The following BNC2 variants were observed in gnomAD, a reference collection of about 807,000 sequenced individuals.
The protein encoded by BNC2 is basonuclin zinc finger protein 2, also known as zinc finger protein basonuclin-2.
A neutral mutation model predicts 76.3 loss-of-function variants in BNC2; 20 were observed. The observed-to-expected ratio is 0.26, with a 90% confidence interval of 0.18 to 0.38. BNC2 has a LOEUF of 0.38. Ranked by LOEUF, BNC2 falls within the 10% of genes least tolerant of loss-of-function variation. BNC2 has a pLI of 1.00. For missense variants in BNC2, 1,382 were observed against 1,399.8 expected (o/e 0.99, Z 0.20); for synonymous variants, 582 against 514.8 (o/e 1.13, Z -1.77).
At chr9:16,823,203 C>T (rs2135960632) in intron 1 of BNC2, among the ~76,000 whole-genome samples, 1 of 152,252 alleles carries the variant, frequency 6.6e-6, no homozygotes, top group Admixed American at 6.5e-5. Context: ...TTATTAAACT[C>T]TCTTCAGTGA....
intron 3 of BNC2, among the ~76,000 whole-genome samples, chr9:16,643,571 T>G (rs1009908426): frequency 2.6e-5 from 4 of 152,100 alleles, no homozygotes; most frequent in African/African-American, 9.7e-5. Flanking sequence ...GTGTAGCATC[T>G]TAGGAGCTGC....
chr9:16,766,460 C>A lies in BNC2; in HGVS notation c.4-27975G>T, dbSNP rs191296040. 2.0e-3 allele frequency among the ~76,000 whole-genome samples: 303 copies of A among 152,274 alleles called. 1 individual carries two copies. The highest frequency in any genetic ancestry group is 7.0e-3 in the African/African-American group (291 of 41,564). ...GCCCTCCAATCTGGACCTAAATCAA[C>A]AATCTACTGGGATGGGAACCCAGTT... is the stretch of plus-strand genomic sequence containing the variant. On this transcript the variant is annotated intron_variant, in intron 1 of 6. Coordinates refer to ENST00000380672, the MANE Select transcript of BNC2 (RefSeq NM_017637.6).
chr9:16,798,638 G>A (rs1817713600), intron 1 of BNC2, among the ~76,000 whole-genome samples: 1 of 152,036 alleles, frequency 6.6e-6, no homozygotes, highest in African/African-American at 2.4e-5. Context: ...CTACATTAAG[G>A]ACTTTACCAA....
intron 5 of BNC2, among the ~76,000 whole-genome samples, chr9:16,531,998 A>T (rs1817990566): frequency 6.6e-6 from 1 of 151,994 alleles, no homozygotes; most frequent in Admixed American, 6.6e-5. Context: ...TCATTTCGTT[A>T]TCTCAGTTGC....
chr9:16,737,181 T>C (rs1259744988), intron 2 of BNC2, among the ~76,000 whole-genome samples: 1 of 149,982 alleles, frequency 6.7e-6, no homozygotes, highest in Non-Finnish European at 1.5e-5. Flanking sequence ...CATAGCTCAC[T>C]GGAACCTCAA....
At chr9:16,823,125 T>A (rs777240095) in intron 1 of BNC2, among the ~76,000 whole-genome samples, 6 of 152,182 alleles carry the variant, frequency 3.9e-5, no homozygotes, top group African/African-American at 1.4e-4. Flanking sequence ...TGAATAGAAT[T>A]AACTAAGTTG....
intron 5 of BNC2, among the ~76,000 whole-genome samples, chr9:16,511,025 G>C (rs1342846392): frequency 1.3e-5 from 2 of 151,842 alleles, no homozygotes; most frequent in African/African-American, 4.8e-5. Flanking sequence ...GAGAAGGATA[G>C]GCAAAACTTG....
At chr9:16,869,877 GT>G (rs1470110614) in intron 1 of BNC2, among the ~76,000 whole-genome samples, 2 of 152,184 alleles carry the variant, frequency 1.3e-5, no homozygotes, top group East Asian at 3.9e-4. Context: ...TTCACCTAGG[GT>G]TTTTCAGCAT....
chr9:16,565,268 T>C (rs575759997), intron 4 of BNC2, among the ~76,000 whole-genome samples: 1 of 152,196 alleles, frequency 6.6e-6, no homozygotes, highest in East Asian at 1.9e-4. Flanking sequence ...ACACACAAAA[T>C]CCTTAACCTG....
chr9:16,482,987 G>A (rs1180500902), intron 5 of BNC2, among the ~76,000 whole-genome samples: 2 of 152,138 alleles, frequency 1.3e-5, no homozygotes, highest in Admixed American at 1.3e-4. Context: ...GCAATTTGCT[G>A]TCCATTTTCG....
chr9:16,682,798 C>A (rs1395035911), intron 3 of BNC2, among the ~76,000 whole-genome samples: 2 of 152,090 alleles, frequency 1.3e-5, no homozygotes, highest in Admixed American at 1.3e-4. Context: ...AATTCCCAAC[C>A]AAGAAAAGAA....
At chr9:16,828,644 T>C (rs911022693) in intron 1 of BNC2, among the ~76,000 whole-genome samples, 1 of 152,170 alleles carries the variant, frequency 6.6e-6, no homozygotes, top group Non-Finnish European at 1.5e-5. Flanking sequence ...CAGACTCACT[T>C]TATTAAACCA....
intron 3 of BNC2, among the ~76,000 whole-genome samples, chr9:16,598,977 A>C (rs1163178008): frequency 6.6e-6 from 1 of 152,190 alleles, no homozygotes; most frequent in Non-Finnish European, 1.5e-5. Context: ...TGAATAAATT[A>C]ACAACAAAAG....
At chr9:16,592,857 G>A (rs1478297221) in intron 3 of BNC2, among the ~76,000 whole-genome samples, 3 of 152,012 alleles carry the variant, frequency 2.0e-5, no homozygotes, top group Admixed American at 1.3e-4. Context: ...ATACACGGAC[G>A]GTGAACAAAG....
At chr9:16,794,515 T>G (rs561660786) in intron 1 of BNC2, among the ~76,000 whole-genome samples, 2 of 152,326 alleles carry the variant, frequency 1.3e-5, no homozygotes, top group South Asian at 4.1e-4. Flanking sequence ...AAGATCCGTA[T>G]GACAACTGTA....
intron 1 of BNC2, among the ~76,000 whole-genome samples, chr9:16,761,523 A>T (rs552151442): frequency 6.6e-6 from 1 of 152,232 alleles, no homozygotes; most frequent in Non-Finnish European, 1.5e-5. Flanking sequence ...CAAACAAACA[A>T]ATCAATACCA....
At chr9:16,657,564 G>T (rs1198031792) in intron 3 of BNC2, among the ~76,000 whole-genome samples, 2 of 152,132 alleles carry the variant, frequency 1.3e-5, no homozygotes, top group South Asian at 2.1e-4. Context: ...GAAGTTGAGA[G>T]AAAGGGACTG....
At chr9:16,826,443 C>T (rs1818456128) in intron 1 of BNC2, among the ~76,000 whole-genome samples, 6 of 152,132 alleles carry the variant, frequency 3.9e-5, no homozygotes, top group Admixed American at 3.9e-4. Context: ...GCGATTATCA[C>T]TGCCATACGG....
intron 1 of BNC2, among the ~76,000 whole-genome samples, chr9:16,758,627 C>T (rs897069667): frequency 5.9e-5 from 9 of 152,282 alleles, no homozygotes; most frequent in African/African-American, 2.2e-4. Flanking sequence ...CAGCGCCCAG[C>T]CCAAAGTCCC....
Sources: gnomAD v4.1 joint callset for allele counts (sites outside exome capture counted in the v4.1 genomes callset) on GRCh38, gnomAD v4.1.1 for gene constraint, MANE v1.5 for transcripts, NCBI Gene and HGNC (gene_info 2026-07-23, HGNC 2026-07-21) for gene names.